Variants in HTRA4 observed in about 807,000 individuals in gnomAD.
HTRA4 encodes the protein serine protease HTRA4.
Under a neutral mutation model 49.1 loss-of-function variants are expected in HTRA4, and 46 were observed. That is an observed-to-expected ratio of 0.94 (90% CI 0.74 to 1.20). The LOEUF (loss-of-function observed/expected upper bound fraction) is 1.20, where lower values mean the gene tolerates loss of function less well. HTRA4 is among the 50% of genes most tolerant of loss of function. HTRA4 has a pLI of 0.00. For missense variants in HTRA4, 602 were observed against 636.9 expected, an observed-to-expected ratio of 0.95 and a Z score of 0.59; for synonymous variants, 261 against 264.0, an observed-to-expected ratio of 0.99 and a Z score of 0.11.
At chr8:38,975,170 T>C (rs1164179760) in intron 2 of HTRA4, 40 bp downstream of exon 2, 7 of 1,593,970 alleles carry the variant, frequency 4.4e-6, no homozygotes, top group East Asian at 2.2e-5. Context: ...TCCCAGCTAA[T>C]GGTTTCTGCG....
chr8:38,977,656 A>ATGTTCATCAGTGACTTCACTGGC (rs1835369328), intron 3 of HTRA4, among the ~76,000 whole-genome samples: 1 of 152,164 alleles, frequency 6.6e-6, no homozygotes, highest in Non-Finnish European at 1.5e-5. Flanking sequence ...ATGTCAGTTT[A>ATGTTCATCAGTGACTTCACTGGC]TGTTCATCAG....
At chr8:38,976,423 A>G (rs906717064) in intron 2 of HTRA4, 112 bp from the exon 3 acceptor site, 10 of 1,003,794 alleles carry the variant, frequency 1.0e-5, no homozygotes, top group African/African-American at 1.6e-5. Context: ...AAAGAAAAGA[A>G]AACTATGATG....
At chr8:38,974,817 G>A in intron 1 of HTRA4, 88 bp downstream of exon 1, 1 of 1,294,118 alleles carries the variant, frequency 7.7e-7, no homozygotes, top group Non-Finnish European at 1.0e-6. Flanking sequence ...CGCACAGTTC[G>A]CGCCTGGTCC....
intron 2 of HTRA4, 73 bp downstream of exon 2, chr8:38,975,203 C>T (rs967765994): frequency 7.7e-6 from 11 of 1,430,544 alleles, no homozygotes; most frequent in Non-Finnish European, 2.9e-6. Flanking sequence ...CCAGACCCTT[C>T]GCAAGCGTCA....
At position 38,985,823 on chromosome 8, in the gene HTRA4, A is replaced by G. The variant is rs1835477012; in HGVS notation, c.1269-2113A>G. On this transcript the variant is annotated intron_variant, in intron 8 of 8. Coordinates refer to ENST00000302495, the MANE Select transcript of HTRA4 (RefSeq NM_153692.4). Reference sequence around the variant, plus strand: ...TCCCACCTTTGATCCACTGAATCGGAATCTGTGTGTTTAACAAGATCCCCA... The same window carrying G: ...TCCCACCTTTGATCCACTGAATCGGGATCTGTGTGTTTAACAAGATCCCCA... 1.3e-5 allele frequency among the ~76,000 whole-genome samples: 2 copies of G among 152,304 alleles called. 1 individual carries two copies. Among genetic ancestry groups the G allele is most frequent in the South Asian group, 4.1e-4 (2 of 4,824 alleles).
intron 8 of HTRA4, 68 bp downstream of exon 8, chr8:38,983,116 T>G: frequency 9.9e-7 from 1 of 1,010,232 alleles, no homozygotes; most frequent in Non-Finnish European, 1.5e-6. Context: ...GTAAAATGCA[T>G]GGGGGATCCA....
chr8:38,975,843 A>G (rs1439180135), intron 2 of HTRA4, among the ~76,000 whole-genome samples: 2 of 152,234 alleles, frequency 1.3e-5, no homozygotes, highest in Non-Finnish European at 2.9e-5. Context: ...AGCCAGAATC[A>G]GAGCCCTTTG....
At position 38,974,413 on chromosome 8, in the gene HTRA4, C is replaced by T. The variant is rs1269442381; in HGVS notation, c.150C>T (p.Pro50=). The T allele has an allele frequency of 6.4e-7, 1 of 1,555,512 alleles. No homozygotes were observed. Among genetic ancestry groups the T allele is most frequent in the East Asian group, 2.4e-5 (1 of 41,696 alleles). ...CGGTCTGCCAGCCCACGCGCTGCCC[C>T]GCGCTGCCCACCTGCGCGCTGGGGA... is the stretch of plus-strand genomic sequence containing the variant. ...CPAVCQPTRC[P]ALPTCALGTT... Residue 50 remains proline, a synonymous_variant, in exon 1 of 9, where the codon CCC becomes CCT. Transcript: ENST00000302495.
At chr8:38,977,615 T>C (rs1835369059) in intron 3 of HTRA4, among the ~76,000 whole-genome samples, 1 of 152,202 alleles carries the variant, frequency 6.6e-6, no homozygotes, top group Admixed American at 6.5e-5. Flanking sequence ...CTGTTAAGCT[T>C]TGAGCTGGAA....
intron 4 of HTRA4, among the ~76,000 whole-genome samples, chr8:38,978,546 A>C (rs1227570880): frequency 5.9e-5 from 9 of 152,150 alleles, no homozygotes; most frequent in Non-Finnish European, 1.3e-4. Context: ...CAGTGAGAAG[A>C]ATATGTCAGA....
rs546665109 is a variant in HTRA4, at chr8:38,980,274, G to GTT, written c.999+1039_999+1040dup. On this transcript the variant is annotated intron_variant, in intron 5 of 8. Coordinates refer to ENST00000302495, the MANE Select transcript of HTRA4 (RefSeq NM_153692.4). ...AGAATGAATTTTATGCAAAATGATT[G>GTT]TTTTTTTTTTTTTACTCATAGCATT... 5.4e-3 allele frequency among the ~76,000 whole-genome samples: 755 copies of GTT among 140,114 alleles called. 4 individuals are homozygous for GTT. The highest frequency in any genetic ancestry group is 0.018 in the African/African-American group (703 of 38,450). 91.9% of individuals were successfully genotyped at this position (140,114 alleles called of 152,430 possible). A position where few individuals can be genotyped will look rare whatever the true frequency, so the allele number is the denominator to read the frequency against.
At chr8:38,985,230 G>A (rs1318667540) in intron 8 of HTRA4, among the ~76,000 whole-genome samples, 3 of 144,456 alleles carry the variant, frequency 2.1e-5, no homozygotes, top group Admixed American at 7.5e-5. Context: ...ATGCGATCTC[G>A]GCTCACTGCA....
chr8:38,976,503 C>A (rs367897617), intron 2 of HTRA4, 32 bp from the exon 3 acceptor site: 10 of 1,608,166 alleles, frequency 6.2e-6, no homozygotes, highest in Non-Finnish European at 8.5e-6. Flanking sequence ...ACTTTCTTGC[C>A]CTCTGTTTAC....
At chr8:38,975,668 C>G (rs1379607446) in intron 2 of HTRA4, among the ~76,000 whole-genome samples, 5 of 152,200 alleles carry the variant, frequency 3.3e-5, no homozygotes. Context: ...CTTAGCCTCC[C>G]GACGTGCTGG....
Position 38,974,465 on chromosome 8 carries a change from T to G in HTRA4, c.202T>G (p.Cys68Gly). The change falls in exon 1 of 9, where the codon TGT becomes GGT. Residue 68 changes from cysteine to glycine, a missense_variant. Transcript: ENST00000302495. ...GTTPVFDLCR[C>G]CRVCPAAERE... is the part of the protein sequence containing the mutation. ...CACGCCGGTGTTCGACCTGTGCCGC[T>G]GTTGCCGCGTCTGCCCCGCGGCCGA... 1 of 1,533,694 alleles carries G rather than the reference T, an allele frequency of 6.5e-7. No individual in the cohort carries two copies. Among genetic ancestry groups the G allele is most frequent in the Non-Finnish European group, 8.7e-7 (1 of 1,145,310 alleles).
intron 8 of HTRA4, among the ~76,000 whole-genome samples, chr8:38,984,692 T>C (rs1449930387): frequency 1.3e-5 from 2 of 152,006 alleles, no homozygotes; most frequent in African/African-American, 4.8e-5. Flanking sequence ...GAGGTTGCAG[T>C]GAGCTGGGAT....
intron 4 of HTRA4, among the ~76,000 whole-genome samples, chr8:38,978,630 C>T (rs952608795): frequency 6.6e-6 from 1 of 152,164 alleles, no homozygotes; most frequent in South Asian, 2.1e-4. Flanking sequence ...TAGAGTCTGT[C>T]TCGTTCGCTG....
chr8:38,974,869 C>T (rs1835326358), intron 1 of HTRA4, 140 bp downstream of exon 1: 1 of 1,190,790 alleles, frequency 8.4e-7, no homozygotes, highest in Non-Finnish European at 1.2e-6. Flanking sequence ...CTCTGTGTTC[C>T]TGATTTCCTT....
At chr8:38,986,249 A>C (rs963914133) in intron 8 of HTRA4, among the ~76,000 whole-genome samples, 2 of 152,118 alleles carry the variant, frequency 1.3e-5, no homozygotes, top group East Asian at 3.9e-4. Context: ...AACTTTTACT[A>C]TATCTCAGGC....
Sources: gnomAD v4.1 joint callset for allele counts (sites outside exome capture counted in the v4.1 genomes callset) on GRCh38, gnomAD v4.1.1 for gene constraint, MANE v1.5 for transcripts, NCBI Gene and HGNC (gene_info 2026-07-23, HGNC 2026-07-21) for gene names.